The following MARCHF11 variants were observed in gnomAD, a reference collection of about 807,000 sequenced individuals.
The protein encoded by MARCHF11 is membrane associated ring-CH-type finger 11, also known as E3 ubiquitin-protein ligase MARCHF11.
In MARCHF11, 29 loss-of-function variants were observed where a neutral mutation model predicts 37.3. The ratio of observed to expected loss-of-function variants is 0.78; its 90% CI spans 0.58 to 1.06. MARCHF11 has a LOEUF of 1.06. Among genes scored for constraint, MARCHF11 ranks in the 50% least tolerant of loss-of-function variants. MARCHF11 has a pLI of 0.00. For synonymous variants in MARCHF11, 233 were observed against 228.0 expected (o/e 1.02, Z -0.20); for missense variants, 482 against 533.4 (o/e 0.90, Z 0.95).
rs1471840368 is a variant in MARCHF11, at chr5:16,179,336, G to T, written c.240C>A (p.Asp80Glu). 4.9e-6 allele frequency: 6 copies of T among 1,225,206 alleles called. No homozygotes were observed. Among genetic ancestry groups the T allele is most frequent in the Non-Finnish European group, 6.1e-6 (6 of 983,540 alleles). The allele number at this position is 1,225,206 out of a possible 1,614,324, so 75.9% of individuals were successfully genotyped here. The change falls in exon 1 of 4, where the codon GAC (aspartate) becomes GAA (glutamate). Residue 80 changes from aspartate (D) to glutamate (E), a missense_variant. Physicochemically the swap from Asp to Glu is conservative, Grantham distance 45. Coordinates refer to ENST00000332432, the MANE Select transcript of MARCHF11 (RefSeq NM_001102562.3). The part of the protein sequence containing the change: ...GEVAPRCRGA[D>E]ELPPPPLPLQ... ...GGGGCAGGGGCGGAGGCGGCAGCTC[G>T]TCCGCTCCCCTGCACCGCGGGGCCA...
chr5:16,142,554 C>T (rs961979224), intron 2 of MARCHF11, among the ~76,000 whole-genome samples: 2 of 152,010 alleles, frequency 1.3e-5, no homozygotes, highest in African/African-American at 2.4e-5. Flanking sequence ...ATCCAGGTTT[C>T]GAGGGAGTAT....
At chr5:16,159,553 A>G (rs760579285) in intron 2 of MARCHF11, among the ~76,000 whole-genome samples, 1 of 152,000 alleles carries the variant, frequency 6.6e-6, no homozygotes, top group African/African-American at 2.4e-5. Context: ...CCAGACAAAT[A>G]ATGTTTGACT....
chr5:16,160,952 TCTAA>T (rs1362514094), intron 2 of MARCHF11, among the ~76,000 whole-genome samples: 7 of 151,966 alleles, frequency 4.6e-5, no homozygotes, highest in Admixed American at 1.3e-4. Flanking sequence ...TCTTCTGACG[TCTAA>T]CTGAGGACAT....
intron 3 of MARCHF11, among the ~76,000 whole-genome samples, chr5:16,082,188 T>C (rs1463126348): frequency 6.6e-6 from 1 of 152,210 alleles, no homozygotes; most frequent in Non-Finnish European, 1.5e-5. Flanking sequence ...GCTCAAAGCA[T>C]GAAGGATCCG....
At chr5:16,084,130 T>C (rs1736655153) in intron 3 of MARCHF11, among the ~76,000 whole-genome samples, 1 of 152,202 alleles carries the variant, frequency 6.6e-6, no homozygotes, top group Non-Finnish European at 1.5e-5. Context: ...AGAAAAATAT[T>C]ACCCTCACTT....
intron 2 of MARCHF11, among the ~76,000 whole-genome samples, chr5:16,101,400 T>C (rs1191741801): frequency 6.6e-6 from 1 of 152,224 alleles, no homozygotes; most frequent in East Asian, 1.9e-4. Flanking sequence ...TTTTAGCTTT[T>C]CAGTTTTCAA....
At chr5:16,130,402 T>G (rs1737498184) in intron 2 of MARCHF11, among the ~76,000 whole-genome samples, 2 of 152,110 alleles carry the variant, frequency 1.3e-5, no homozygotes, top group African/African-American at 4.8e-5. Context: ...TAAATAATTG[T>G]GAAATTGTGA....
intron 2 of MARCHF11, among the ~76,000 whole-genome samples, chr5:16,133,389 G>A (rs758917905): frequency 6.6e-6 from 1 of 152,102 alleles, no homozygotes; most frequent in Non-Finnish European, 1.5e-5. Flanking sequence ...CCAGCCGCCA[G>A]TGCCCAAAAT....
chr5:16,097,596 G>A (rs369368036), intron 2 of MARCHF11, among the ~76,000 whole-genome samples: 1 of 152,154 alleles, frequency 6.6e-6, no homozygotes, highest in East Asian at 1.9e-4. Flanking sequence ...AGAGCATAAA[G>A]GAAATAGGTA....
intron 3 of MARCHF11, among the ~76,000 whole-genome samples, chr5:16,073,575 AAATGT>A (rs1217552836): frequency 1.3e-4 from 19 of 150,234 alleles, no homozygotes; most frequent in African/African-American, 4.1e-4. Context: ...AACTATATAT[AAATGT>A]AATGTAAAGT....
intron 2 of MARCHF11, among the ~76,000 whole-genome samples, chr5:16,112,333 C>T (rs781392137): frequency 2.6e-5 from 4 of 152,118 alleles, no homozygotes; most frequent in Non-Finnish European, 5.9e-5. Context: ...GGGAAAGAGC[C>T]GACCAAGGCC....
intron 2 of MARCHF11, among the ~76,000 whole-genome samples, chr5:16,128,744 G>T (rs546598430): frequency 1.3e-5 from 2 of 152,260 alleles, no homozygotes; most frequent in East Asian, 3.9e-4. Flanking sequence ...TGCCAAACTT[G>T]ACTGTTTGTG....
intron 2 of MARCHF11, among the ~76,000 whole-genome samples, chr5:16,160,317 T>C (rs972836110): frequency 1.6e-4 from 3 of 18,818 alleles, no homozygotes; most frequent in Non-Finnish European, 8.9e-4. Flanking sequence ...ATATTTAATA[T>C]AAACATTTAA....
At chr5:16,108,082 G>A (rs994294954) in intron 2 of MARCHF11, among the ~76,000 whole-genome samples, 9 of 152,328 alleles carry the variant, frequency 5.9e-5, no homozygotes, top group African/African-American at 1.4e-4. Flanking sequence ...AAGGCAGAGC[G>A]TCCACTGAGC....
At position 16,179,332 on chromosome 5, in the gene MARCHF11, G is replaced by T; in HGVS notation, c.244C>A (p.Leu82Met). 8.1e-7 allele frequency: 1 copy of T among 1,227,728 alleles called. No individual in the cohort carries two copies. The highest frequency in any genetic ancestry group is 3.3e-4 in the Middle Eastern group (1 of 3,048). 76.1% of individuals were successfully genotyped at this position (1,227,728 alleles called of 1,614,324 possible). A position where few individuals can be genotyped will look rare whatever the true frequency, so the allele number is the denominator to read the frequency against. The change falls in exon 1 of 4, where the codon CTG becomes ATG. Residue 82 changes from leucine (L) to methionine (M), a missense_variant. Transcript: ENST00000332432. ...TGCAGGGGCAGGGGCGGAGGCGGCA[G>T]CTCGTCCGCTCCCCTGCACCGCGGG... ...VAPRCRGADE[L>M]PPPPLPLQPA...
intron 2 of MARCHF11, among the ~76,000 whole-genome samples, chr5:16,143,663 C>A (rs1737754717): frequency 6.6e-6 from 1 of 152,240 alleles, no homozygotes; most frequent in African/African-American, 2.4e-5. Flanking sequence ...AACTCTGATT[C>A]TGTCTTTCTG....
At chr5:16,142,330 C>T (rs1402636225) in intron 2 of MARCHF11, among the ~76,000 whole-genome samples, 1 of 152,180 alleles carries the variant, frequency 6.6e-6, no homozygotes, top group Non-Finnish European at 1.5e-5. Context: ...TCACCTCCTC[C>T]ACTCATGTTC....
intron 2 of MARCHF11, among the ~76,000 whole-genome samples, chr5:16,170,693 C>G (rs1245897895): frequency 6.6e-6 from 1 of 151,984 alleles, no homozygotes; most frequent in African/African-American, 2.4e-5. Context: ...ACAAAGTGAC[C>G]AAGAAAATGA....
intron 2 of MARCHF11, among the ~76,000 whole-genome samples, chr5:16,118,835 G>A (rs1737263185): frequency 6.6e-6 from 1 of 152,156 alleles, no homozygotes; most frequent in Admixed American, 6.5e-5. Flanking sequence ...ACATCAGCTT[G>A]GAGTAGACTG....
Sources: gnomAD v4.1 joint callset for allele counts (sites outside exome capture counted in the v4.1 genomes callset) on GRCh38, gnomAD v4.1.1 for gene constraint, MANE v1.5 for transcripts, NCBI Gene and HGNC (gene_info 2026-07-23, HGNC 2026-07-21) for gene names.